Variants in ANKRD36 observed in about 807,000 individuals in gnomAD.
ANKRD36 encodes ankyrin repeat domain 36, also known as ankyrin repeat domain-containing protein 36A.
Under a neutral mutation model 278.1 loss-of-function variants are expected in ANKRD36, and 179 were observed. The ratio of observed to expected loss-of-function variants is 0.64; its 90% CI spans 0.57 to 0.73. The LOEUF is 0.73. ANKRD36 is among the 30% of genes least tolerant of loss of function. The pLI is 0.00. For missense variants in ANKRD36, 1,159 were observed against 1,956.7 expected (o/e 0.59, Z 7.69); for synonymous variants, 320 against 641.1 (o/e 0.50, Z 7.57).
At chr2:97,228,956 T>A (rs1261008012) in intron 67 of ANKRD36, among the ~76,000 whole-genome samples, 4 of 152,086 alleles carry the variant, frequency 2.6e-5, no homozygotes, top group African/African-American at 9.6e-5. Flanking sequence ...TTTGAGTGAG[T>A]TTCTTAATCC....
Position 97,207,843 on chromosome 2 carries a change from A to C in ANKRD36, c.3192+4A>C. 6.5e-7 allele frequency: 1 copy of C among 1,546,558 alleles called. No homozygotes were observed. The highest frequency in any genetic ancestry group is 1.2e-5 in the South Asian group (1 of 83,796). On this transcript the variant is annotated splice_donor_region_variant and intron_variant, in intron 53 of 75. Coordinates refer to ENST00000420699, the MANE Select transcript of ANKRD36 (RefSeq NM_001354587.1). ...TGAGAAACCATCAGGCTTGAAGGTA[A>C]TGAAACTGTCATTTATATTGTGAAC...
At chr2:97,205,559 T>C (rs1017345824) in intron 50 of ANKRD36, among the ~76,000 whole-genome samples, 5 of 151,518 alleles carry the variant, frequency 3.3e-5, no homozygotes, top group African/African-American at 1.2e-4. Context: ...TATTGATTTG[T>C]TGTGTGAAAG....
intron 48 of ANKRD36, among the ~76,000 whole-genome samples, chr2:97,202,862 G>T (rs1384734879): frequency 2.0e-5 from 3 of 151,818 alleles, no homozygotes; most frequent in Non-Finnish European, 2.9e-5. Context: ...TGTGAGGCAG[G>T]AAGGGGTGAA....
chr2:97,173,089 T>G lies in ANKRD36; in HGVS notation c.1633+5322T>G, dbSNP rs549130687. Among the ~76,000 whole-genome samples the G allele has an allele frequency of 1.8e-4, 28 of 151,438 alleles. No individual in the cohort carries two copies. The East Asian group carries it at 3.7e-3, about 20-fold the overall frequency. Reference sequence around the variant, plus strand: ...GTCTTCACAAGTTATTTCTGAAGATTTTGGTGCATCAAGGAGAGACTGTCA... The same window carrying G: ...GTCTTCACAAGTTATTTCTGAAGATGTTGGTGCATCAAGGAGAGACTGTCA... On this transcript the variant is annotated intron_variant, in intron 22 of 75. Coordinates refer to ENST00000420699, the MANE Select transcript of ANKRD36 (RefSeq NM_001354587.1).
chr2:97,170,681 CA>C (rs1266386842), intron 22 of ANKRD36, among the ~76,000 whole-genome samples: 2 of 151,792 alleles, frequency 1.3e-5, no homozygotes, highest in African/African-American at 4.8e-5. Flanking sequence ...GCAATGGCAA[CA>C]AAAGACAAAA....
At chr2:97,176,888 T>C (rs2054425423) in intron 22 of ANKRD36, among the ~76,000 whole-genome samples, 1 of 151,704 alleles carries the variant, frequency 6.6e-6, no homozygotes, top group Non-Finnish European at 1.5e-5. Flanking sequence ...CTTATGAAGC[T>C]TAGTTTGGCT....
At chr2:97,230,534 T>G (rs1436114849) in intron 67 of ANKRD36, among the ~76,000 whole-genome samples, 1 of 152,058 alleles carries the variant, frequency 6.6e-6, no homozygotes, top group Non-Finnish European at 1.5e-5. Flanking sequence ...TAGGTATACA[T>G]TCGTCTAAAT....
At chr2:97,215,675 T>G in intron 62 of ANKRD36, 178 bp downstream of exon 62, 1 of 1,520,764 alleles carries the variant, frequency 6.6e-7, no homozygotes, top group African/African-American at 1.4e-5. Context: ...GACCATGATC[T>G]GAGTAGTAAG....
intron 22 of ANKRD36, among the ~76,000 whole-genome samples, chr2:97,169,868 A>G (rs1440781331): frequency 6.6e-6 from 1 of 152,208 alleles, no homozygotes; most frequent in African/African-American, 2.4e-5. Context: ...AAAGTAATTT[A>G]TAGGTTCAAT....
chr2:97,113,882 T>G lies in ANKRD36; in HGVS notation c.143T>G (p.Leu48Arg), dbSNP rs201414521. The stretch of plus-strand genomic sequence containing the variant: ...GTCTTACATGGTAATCTAGAGAAAC[T>G]GAAGTACCTTCTGCTCACGTATTAT... Reference protein sequence around the residue: ...RAVLHGNLEKLKYLLLTYYDA... With the variant: ...RAVLHGNLEKRKYLLLTYYDA... The change falls in exon 1 of 76, where the codon CTG becomes CGG. Residue 48 changes from leucine (L) to arginine (R), a missense_variant. Transcript: ENST00000420699. The G allele has an allele frequency of 6.2e-7, 1 of 1,613,002 alleles. No homozygotes were observed. Among genetic ancestry groups the G allele is most frequent in the South Asian group, 1.1e-5 (1 of 90,926 alleles).
rs537770836 is a variant in ANKRD36 at position 97,192,320 on chromosome 2, A to G, written c.2348-538A>G. 2.0e-5 allele frequency among the ~76,000 whole-genome samples: 3 copies of G among 151,240 alleles called. No homozygotes were observed. In the East Asian group the frequency reaches 6.2e-4, roughly 31 times the overall value. On this transcript the variant is annotated intron_variant, in intron 36 of 75. Coordinates refer to ENST00000420699, the MANE Select transcript of ANKRD36 (RefSeq NM_001354587.1). ...TTATCTACTAGGTATCAGCAAATGG[A>G]TATCCAAGGTGATCAATTTAGGACA...
chr2:97,209,952 G>C, intron 56 of ANKRD36, 80 bp downstream of exon 56: 1 of 1,496,076 alleles, frequency 6.7e-7, no homozygotes. Flanking sequence ...TCAGCGGAGG[G>C]CTCGTTGAAG....
At chr2:97,220,876 A>C (rs1191790049) in intron 66 of ANKRD36, among the ~76,000 whole-genome samples, 1 of 145,636 alleles carries the variant, frequency 6.9e-6, no homozygotes, top group Non-Finnish European at 1.5e-5. Context: ...CGCTGCACCC[A>C]CTAACGTGTC....
intron 38 of ANKRD36, 97 bp from the exon 39 acceptor site, chr2:97,194,629 G>A (rs865981489): frequency 2.7e-5 from 43 of 1,576,478 alleles, no homozygotes; most frequent in Middle Eastern, 2.3e-4. Flanking sequence ...CACTAATACA[G>A]GCAGGAGGAC....
chr2:97,202,574 G>A (rs371863591), intron 48 of ANKRD36, among the ~76,000 whole-genome samples, 181 bp downstream of exon 48: 3 of 151,778 alleles, frequency 2.0e-5, no homozygotes, highest in African/African-American at 4.8e-5. Context: ...CATGATCTTC[G>A]CTGTAAGATT....
At chr2:97,158,457 C>T (rs2048076183) in intron 16 of ANKRD36, 131 bp from the exon 17 acceptor site, 2 of 864,598 alleles carry the variant, frequency 2.3e-6, no homozygotes, top group Non-Finnish European at 1.8e-6. Flanking sequence ...GAACACCTGA[C>T]CTCATATGAT....
At chr2:97,250,589 A>G (rs1173232019) in intron 75 of ANKRD36, among the ~76,000 whole-genome samples, 1 of 120,562 alleles carries the variant, frequency 8.3e-6, no homozygotes, top group African/African-American at 4.7e-5. Context: ...ACAGGTCACA[A>G]GCAGTCACTT....
intron 17 of ANKRD36, among the ~76,000 whole-genome samples, chr2:97,161,740 C>A (rs1303561288): frequency 6.6e-6 from 1 of 152,198 alleles, no homozygotes; most frequent in Non-Finnish European, 1.5e-5. Context: ...TTTGCACATG[C>A]TGCCCTCACT....
rs2034131224 is a variant in ANKRD36 at position 97,113,467 on chromosome 2, G to A, written c.-273G>A. 1 of 494,050 alleles carries A rather than the reference G, an allele frequency of 2.0e-6. No individual in the cohort carries two copies. Among genetic ancestry groups the A allele is most frequent in the South Asian group, 2.5e-5 (1 of 39,232 alleles). 30.6% of individuals were successfully genotyped at this position (494,050 alleles called of 1,614,324 possible). A position where few individuals can be genotyped will look rare whatever the true frequency, so the allele number is the denominator to read the frequency against. ...CTCCAGGGAGCCCCGCCCTCCCGCG[G>A]CACCTCCGCAGCAACCGCCGCCTGC... On this transcript the variant is annotated 5_prime_UTR_variant, in exon 1 of 76. Transcript: ENST00000420699.
Sources: allele counts gnomAD v4.1 joint callset (sites outside exome capture counted in the v4.1 genomes callset), GRCh38; gene constraint gnomAD v4.1.1; transcripts MANE v1.5; gene names NCBI Gene and HGNC (gene_info 2026-07-23, HGNC 2026-07-21).